NREP: variants seen among roughly 807,000 people sequenced by gnomAD.
NREP encodes the protein neuronal regeneration-related protein.
NREP carries 5 observed loss-of-function variants against 8.6 expected under a neutral mutation model. The observed-to-expected ratio is 0.58, with a 90% CI of 0.30 to 1.22. The LOEUF is 1.22. Ranked by LOEUF, NREP falls within the 50% of genes most tolerant of loss-of-function variation. The probability of loss-of-function intolerance (pLI) is 0.07; values close to 1 mark genes in which losing one functional copy is unlikely to be tolerated. For synonymous variants in NREP, 27 were observed against 28.0 expected (o/e 0.96, Z 0.11); for missense variants, 86 against 82.5 (o/e 1.04, Z -0.17).
chr5:111,866,619 G>A lies in NREP; in HGVS notation c.135+108655C>T, dbSNP rs367980158. On this transcript the variant is annotated intron_variant, in intron 2 of 3. Transcript: ENST00000395634. ...TCAGGGATCTAGAACTAGAAATACCGTTTGACCCAGCCATCCCATTACTGG... is the reference window on the plus strand; with the variant it reads ...TCAGGGATCTAGAACTAGAAATACCATTTGACCCAGCCATCCCATTACTGG... Among the ~76,000 whole-genome samples the A allele has an allele frequency of 2.2e-4, 34 of 152,080 alleles. 1 individual carries two copies. Among genetic ancestry groups the A allele is most frequent in the South Asian group, 1.0e-3 (5 of 4,824 alleles).
In NREP at chr5:111,826,188, A is replaced by C. The variant is rs554483351; in HGVS notation, c.136-90681T>G. On this transcript the variant is annotated intron_variant, in intron 2 of 3. Transcript: ENST00000395634. ...CAATCAGTGCTTTGTGTCTAGCTAA[A>C]GGTTCGTAAACGCACCAATCAGCAC... is the stretch of plus-strand genomic sequence containing the variant. Among the ~76,000 whole-genome samples the C allele has an allele frequency of 3.9e-5, 6 of 152,296 alleles. No individual in the cohort carries two copies. In the South Asian group the frequency reaches 1.0e-3, roughly 26 times the overall value.
intron 2 of NREP, among the ~76,000 whole-genome samples, chr5:111,918,020 C>T (rs1398839360): frequency 6.6e-6 from 1 of 152,156 alleles, no homozygotes; most frequent in African/African-American, 2.4e-5. Context: ...TCTCAAGATA[C>T]AAAATCAATA....
chr5:111,966,096 A>C (rs1419346662), intron 2 of NREP, among the ~76,000 whole-genome samples: 1 of 152,178 alleles, frequency 6.6e-6, no homozygotes, highest in East Asian at 1.9e-4. Context: ...GTGTCCCTGA[A>C]TAGGGCAAGA....
intron 2 of NREP, among the ~76,000 whole-genome samples, chr5:111,917,157 G>C (rs960429910): frequency 6.6e-6 from 1 of 152,046 alleles, no homozygotes; most frequent in Non-Finnish European, 1.5e-5. Context: ...AGCATGCACA[G>C]TGTGTTTAAG....
At chr5:111,834,524 C>T (rs915433651) in intron 2 of NREP, among the ~76,000 whole-genome samples, 2 of 152,150 alleles carry the variant, frequency 1.3e-5, no homozygotes, top group Non-Finnish European at 2.9e-5. Context: ...GAAACATATC[C>T]AAACAAACTA....
chr5:111,873,064 A>G (rs1002475073), intron 2 of NREP, among the ~76,000 whole-genome samples: 1 of 152,186 alleles, frequency 6.6e-6, no homozygotes, highest in African/African-American at 2.4e-5. Context: ...CATTTGGACA[A>G]TGGTAAACTG....
intron 2 of NREP, among the ~76,000 whole-genome samples, chr5:111,923,376 G>A (rs150474337): frequency 6.6e-6 from 1 of 152,284 alleles, no homozygotes; most frequent in Non-Finnish European, 1.5e-5. Context: ...ATCCTCCATG[G>A]CTGCATAGGT....
At chr5:111,793,389 T>C (rs1751797033) in intron 2 of NREP, among the ~76,000 whole-genome samples, 1 of 152,134 alleles carries the variant, frequency 6.6e-6, no homozygotes, top group South Asian at 2.1e-4. Flanking sequence ...GTGTGAGTCC[T>C]GGAGTCCAAA....
intron 2 of NREP, among the ~76,000 whole-genome samples, chr5:111,769,284 C>T (rs1751159971): frequency 6.6e-6 from 1 of 152,206 alleles, no homozygotes; most frequent in Admixed American, 6.5e-5. Context: ...ACCAGAGTTA[C>T]AGCGGTGGAC....
At chr5:111,808,365 T>C in intron 2 of NREP, among the ~76,000 whole-genome samples, 1 of 152,200 alleles carries the variant, frequency 6.6e-6, no homozygotes. Flanking sequence ...CATTTGGTGT[T>C]TAAAATCAAA....
At chr5:111,854,210 G>A (rs923410200) in intron 2 of NREP, among the ~76,000 whole-genome samples, 2 of 152,170 alleles carry the variant, frequency 1.3e-5, no homozygotes, top group African/African-American at 2.4e-5. Flanking sequence ...TTGCATGTGG[G>A]AGAATTGTCA....
chr5:111,858,741 A>G (rs1753480554), intron 2 of NREP, among the ~76,000 whole-genome samples: 1 of 152,178 alleles, frequency 6.6e-6, no homozygotes, highest in Non-Finnish European at 1.5e-5. Flanking sequence ...AAGACTAAAT[A>G]TCTTACCCCA....
At position 111,976,914 on chromosome 5, in the gene NREP, G is replaced by A. The variant is rs1035209586; in HGVS notation, c.-175C>T. The A allele has an allele frequency of 4.1e-5, 23 of 557,386 alleles. 1 individual carries two copies. The South Asian group carries it at 4.8e-4, about 12-fold the overall frequency. The allele number at this position is 557,386 out of a possible 1,614,324, so 34.5% of individuals were successfully genotyped here. A position where few individuals can be genotyped will look rare whatever the true frequency, so the allele number is the denominator to read the frequency against. On this transcript the variant is annotated 5_prime_UTR_variant, in exon 1 of 4. Transcript: ENST00000395634. The stretch of plus-strand genomic sequence containing the variant: ...CCTGGAAAAGTAATTCCTTCTAGAT[G>A]CTGGCAACAGTCATTCTGAACCATA...
chr5:111,948,907 C>T (rs1756072387), intron 2 of NREP: 1 of 151,976 alleles, frequency 6.6e-6, no homozygotes, highest in Non-Finnish European at 1.5e-5. Context: ...CAAAACTCAT[C>T]CAGCAAAGAT....
At chr5:111,830,077 A>T (rs1453069307) in intron 2 of NREP, among the ~76,000 whole-genome samples, 1 of 152,192 alleles carries the variant, frequency 6.6e-6, no homozygotes, top group African/African-American at 2.4e-5. Flanking sequence ...CACAGGCTGC[A>T]TGTGGCCCAG....
chr5:111,877,580 G>A (rs1382907971), intron 2 of NREP, among the ~76,000 whole-genome samples: 1 of 152,162 alleles, frequency 6.6e-6, no homozygotes, highest in East Asian at 1.9e-4. Context: ...CATGAACTGG[G>A]CAAATGGAAA....
At chr5:111,946,741 C>G (rs945844996) in intron 2 of NREP, among the ~76,000 whole-genome samples, 3 of 151,950 alleles carry the variant, frequency 2.0e-5, no homozygotes, top group Admixed American at 6.6e-5. Context: ...TGGCCCCAGG[C>G]CCACCACTAC....
intron 2 of NREP, among the ~76,000 whole-genome samples, chr5:111,898,766 A>G (rs1287731787): frequency 1.3e-5 from 2 of 152,218 alleles, no homozygotes; most frequent in Non-Finnish European, 2.9e-5. Context: ...GATTCAGCCC[A>G]AAGAACTCTT....
intron 2 of NREP, among the ~76,000 whole-genome samples, chr5:111,788,006 T>A (rs1046305417): frequency 9.2e-5 from 14 of 151,962 alleles, no homozygotes; most frequent in African/African-American, 3.4e-4. Context: ...GCTGGGAGGA[T>A]TGTTTGAGCC....
Sources: gnomAD v4.1 joint callset for allele counts (sites outside exome capture counted in the v4.1 genomes callset) on GRCh38, gnomAD v4.1.1 for gene constraint, MANE v1.5 for transcripts, NCBI Gene and HGNC (gene_info 2026-07-23, HGNC 2026-07-21) for gene names.